The following SLC14A2 variants were observed in gnomAD, a reference collection of about 807,000 sequenced individuals.
SLC14A2 encodes urea transporter 2.
SLC14A2 carries 91 observed loss-of-function variants against 104.6 expected under a neutral mutation model. That is an observed-to-expected ratio of 0.87 (90% CI 0.73 to 1.04). The LOEUF (loss-of-function observed/expected upper bound fraction) is 1.04, where lower values mean the gene tolerates loss of function less well. SLC14A2 is among the 50% of genes least tolerant of loss of function. The pLI, the probability that SLC14A2 is intolerant of heterozygous loss-of-function variation, is 0.00. For missense variants in SLC14A2, 1,189 were observed against 1,156.0 expected (o/e 1.03, Z -0.41); for synonymous variants, 476 against 466.4 (o/e 1.02, Z -0.27).
chr18:45,288,512 G>T (rs1220235822), intron 1 of SLC14A2, among the ~76,000 whole-genome samples: 1 of 152,212 alleles, frequency 6.6e-6, no homozygotes, highest in African/African-American at 2.4e-5. Context: ...TGCCCTGGCA[G>T]CTTCTGGATA....
At chr18:45,526,422 A>T (rs374969703) in intron 2 of SLC14A2, among the ~76,000 whole-genome samples, 1 of 152,204 alleles carries the variant, frequency 6.6e-6, no homozygotes, top group Non-Finnish European at 1.5e-5. Context: ...GCTTTCAGAC[A>T]TCCTACCAAT....
intron 2 of SLC14A2, among the ~76,000 whole-genome samples, chr18:45,580,070 A>G (rs191881582): frequency 6.6e-6 from 1 of 152,320 alleles, no homozygotes; most frequent in East Asian, 1.9e-4. Flanking sequence ...GCAGCAGATT[A>G]TAAGAGCCAC....
At chr18:45,445,074 A>G (rs908890328) in intron 1 of SLC14A2, among the ~76,000 whole-genome samples, 40 of 149,746 alleles carry the variant, frequency 2.7e-4, no homozygotes, top group African/African-American at 9.8e-4. Flanking sequence ...GTAAATGTGC[A>G]GATGTTTAAC....
At chr18:45,608,198 G>A (rs1418984633) in intron 2 of SLC14A2, among the ~76,000 whole-genome samples, 1 of 152,222 alleles carries the variant, frequency 6.6e-6, no homozygotes, top group African/African-American at 2.4e-5. Context: ...AGAAATCGGT[G>A]CTTTAGAAAG....
Position 45,330,939 on chromosome 18 carries a change from C to T in SLC14A2, c.-125+117748C>T, listed in dbSNP as rs114648874. Reference sequence around the variant, plus strand: ...GATAAATTGACACATACCACACAAACATGGAAGTGCTTCATGCATTTTCAA... The same window carrying T: ...GATAAATTGACACATACCACACAAATATGGAAGTGCTTCATGCATTTTCAA... On this transcript the variant is annotated intron_variant, in intron 1 of 20. Transcript: ENST00000586448. 5.1e-3 allele frequency among the ~76,000 whole-genome samples: 769 copies of T among 152,268 alleles called. 6 individuals are homozygous for T. Among genetic ancestry groups the T allele is most frequent in the African/African-American group, 0.018 (740 of 41,552 alleles).
chr18:45,172,277 T>A, the SLC14A2 span, among the ~76,000 whole-genome samples: 1,996 of 152,216 alleles, frequency 0.013, 23 homozygotes, highest in Non-Finnish European at 0.02. Flanking sequence ...CAGTAATTCA[T>A]AAGGTTAATT....
chr18:45,327,597 C>G (rs2085248944), intron 1 of SLC14A2, among the ~76,000 whole-genome samples: 2 of 152,312 alleles, frequency 1.3e-5, no homozygotes, highest in South Asian at 2.1e-4. Flanking sequence ...ATGAATTTGA[C>G]TACTCTAGGT....
chr18:45,302,203 T>C (rs1370109143), intron 1 of SLC14A2, among the ~76,000 whole-genome samples: 1 of 152,238 alleles, frequency 6.6e-6, no homozygotes, highest in Admixed American at 6.5e-5. Flanking sequence ...TGGGCAATAT[T>C]TGTTACAACT....
At chr18:45,398,208 C>A (rs1187485392) in intron 1 of SLC14A2, among the ~76,000 whole-genome samples, 1 of 152,180 alleles carries the variant, frequency 6.6e-6, no homozygotes, top group East Asian at 1.9e-4. Flanking sequence ...GGTGTTCTTT[C>A]TGAGTCTAAA....
intron 1 of SLC14A2, among the ~76,000 whole-genome samples, chr18:45,469,803 G>A (rs547832431): frequency 6.6e-6 from 1 of 152,330 alleles, no homozygotes; most frequent in East Asian, 1.9e-4. Context: ...AGCTCCCAGT[G>A]TGGGGCATGT....
At chr18:45,319,771 A>G (rs2085166600) in intron 1 of SLC14A2, among the ~76,000 whole-genome samples, 1 of 152,204 alleles carries the variant, frequency 6.6e-6, no homozygotes. Context: ...AACTGTGCTC[A>G]CCTCACATCA....
chr18:45,501,770 G>C (rs1419611881), intron 2 of SLC14A2, among the ~76,000 whole-genome samples: 1 of 152,210 alleles, frequency 6.6e-6, no homozygotes, highest in Non-Finnish European at 1.5e-5. Flanking sequence ...AGTGGTCCCA[G>C]AGTCTTGGGC....
chr18:45,682,284 T>A lies in SLC14A2; in HGVS notation c.2563-35T>A, dbSNP rs373989401. The A allele has an allele frequency of 2.2e-5, 35 of 1,602,012 alleles. No homozygotes were observed. In the African/African-American group the frequency reaches 4.4e-4, roughly 20 times the overall value. ...CTGATTAAAATGCACAGGCACCTGA[T>A]GTGACCAAGGCTTATCTGTGTTCTT... On this transcript the variant is annotated intron_variant, in intron 19 of 19. Transcript: ENST00000255226.
At chr18:45,232,081 C>T (rs1295085860) in intron 1 of SLC14A2, among the ~76,000 whole-genome samples, 2 of 151,524 alleles carry the variant, frequency 1.3e-5, no homozygotes, top group Non-Finnish European at 2.9e-5. Context: ...AGAGTTGAAG[C>T]TATGGGAGCA....
intron 1 of SLC14A2, among the ~76,000 whole-genome samples, chr18:45,334,371 A>G (rs914162869): frequency 3.4e-4 from 52 of 152,216 alleles, no homozygotes; most frequent in African/African-American, 1.2e-3. Flanking sequence ...CAGTAGCCAC[A>G]TGTTTCAGTT....
At chr18:45,298,736 A>C (rs981467139) in intron 1 of SLC14A2, among the ~76,000 whole-genome samples, 1 of 152,170 alleles carries the variant, frequency 6.6e-6, no homozygotes, top group African/African-American at 2.4e-5. Flanking sequence ...AATCTCTCCT[A>C]TACTCAGCCT....
At chr18:45,272,295 G>A (rs2084659354) in intron 1 of SLC14A2, among the ~76,000 whole-genome samples, 1 of 152,080 alleles carries the variant, frequency 6.6e-6, no homozygotes, top group African/African-American at 2.4e-5. Flanking sequence ...CTGTACTCCT[G>A]TTTGTTGCAG....
At chr18:45,396,361 G>T (rs1035382447) in intron 1 of SLC14A2, among the ~76,000 whole-genome samples, 1 of 152,076 alleles carries the variant, frequency 6.6e-6, no homozygotes, top group African/African-American at 2.4e-5. Flanking sequence ...CTCTATTATA[G>T]ACTTTTCTCC....
chr18:45,273,017 C>T lies in SLC14A2; in HGVS notation c.-125+59826C>T, dbSNP rs544031961. Among the ~76,000 whole-genome samples, 13 of 152,176 alleles carry T rather than the reference C, an allele frequency of 8.5e-5. No individual in the cohort carries two copies. In the South Asian group the frequency reaches 1.5e-3, roughly 17 times the overall value. On this transcript the variant is annotated intron_variant, in intron 1 of 20. Coordinates refer to the SLC14A2 transcript ENST00000586448. ...TCAGGAATCGTGCAATTGCAAATAT[C>T]GGAATAATGGACTTGACTGACTTAA...
Sources: gnomAD v4.1 joint callset for allele counts (sites outside exome capture counted in the v4.1 genomes callset) on GRCh38, gnomAD v4.1.1 for gene constraint, MANE v1.5 for transcripts, NCBI Gene and HGNC (gene_info 2026-07-23, HGNC 2026-07-21) for gene names.